SGCZ: variants seen among roughly 807,000 people sequenced by gnomAD.
The protein encoded by SGCZ is zeta-sarcoglycan.
In SGCZ, 40 loss-of-function variants were observed where a neutral mutation model predicts 41.3. The observed-to-expected ratio is 0.97, with a 90% CI of 0.75 to 1.26. The LOEUF (loss-of-function observed/expected upper bound fraction) is 1.26. SGCZ is among the 50% of genes most tolerant of loss of function. The pLI is 0.00. For missense variants in SGCZ, 552 were observed against 369.8 expected, an observed-to-expected ratio of 1.49 and a Z score of -4.04; for synonymous variants, 206 against 137.5, an observed-to-expected ratio of 1.50 and a Z score of -3.49.
chr8:14,261,412 G>A (rs963738386), intron 3 of SGCZ, among the ~76,000 whole-genome samples: 2 of 152,078 alleles, frequency 1.3e-5, no homozygotes, highest in African/African-American at 4.8e-5. Context: ...TGTTGTTAAA[G>A]AATTACCGTA....
intron 2 of SGCZ, among the ~76,000 whole-genome samples, chr8:14,529,971 T>C (rs1803076197): frequency 6.6e-6 from 1 of 152,158 alleles, no homozygotes; most frequent in Non-Finnish European, 1.5e-5. Flanking sequence ...ACATTAAGAA[T>C]GCACAAGTGC....
intron 3 of SGCZ, among the ~76,000 whole-genome samples, chr8:14,312,641 G>A (rs1801586062): frequency 6.6e-6 from 1 of 151,868 alleles, no homozygotes; most frequent in Admixed American, 6.6e-5. Context: ...ACAGAAAGAA[G>A]AAGAAGAGGA....
chr8:14,972,891 T>A (rs554325567), intron 1 of SGCZ, among the ~76,000 whole-genome samples: 1 of 152,336 alleles, frequency 6.6e-6, no homozygotes, highest in Non-Finnish European at 1.5e-5. Context: ...GAAATTTGGC[T>A]AAAAAATCTT....
chr8:15,148,552 T>C (rs906463122), intron 1 of SGCZ, among the ~76,000 whole-genome samples: 7 of 152,222 alleles, frequency 4.6e-5, no homozygotes, highest in African/African-American at 7.2e-5. Flanking sequence ...CTCCCCATTG[T>C]CCTAAATATC....
At chr8:14,687,052 C>G (rs1808633017) in intron 1 of SGCZ, among the ~76,000 whole-genome samples, 1 of 151,106 alleles carries the variant, frequency 6.6e-6, no homozygotes, top group South Asian at 2.1e-4. Flanking sequence ...TACTTTGGGC[C>G]CAAAATGGTA....
At chr8:14,707,579 G>A (rs545606165) in intron 1 of SGCZ, among the ~76,000 whole-genome samples, 1 of 151,930 alleles carries the variant, frequency 6.6e-6, no homozygotes, top group African/African-American at 2.4e-5. Flanking sequence ...ACTTTTTTTG[G>A]TGATTTGGTT....
At chr8:15,069,520 C>T (rs1471444924) in intron 1 of SGCZ, among the ~76,000 whole-genome samples, 1 of 152,148 alleles carries the variant, frequency 6.6e-6, no homozygotes, top group Non-Finnish European at 1.5e-5. Flanking sequence ...CACGTTAACA[C>T]CACCCAGCAG....
chr8:14,540,291 T>G (rs772112373), intron 2 of SGCZ, among the ~76,000 whole-genome samples: 4 of 145,986 alleles, frequency 2.7e-5, no homozygotes, highest in African/African-American at 9.8e-5. Context: ...TTATTATCAA[T>G]CTCTGTCTTG....
intron 3 of SGCZ, among the ~76,000 whole-genome samples, chr8:14,320,468 ATAT>A (rs1027359624): frequency 7.3e-5 from 11 of 150,884 alleles, no homozygotes; most frequent in Non-Finnish European, 1.5e-5. Flanking sequence ...TATTATTATT[ATAT>A]TATTATACTT....
chr8:15,158,641 T>C (rs774292810), intron 1 of SGCZ, among the ~76,000 whole-genome samples: 20 of 152,348 alleles, frequency 1.3e-4, no homozygotes, highest in Non-Finnish European at 2.8e-4. Context: ...TCATTTAGAA[T>C]GTATAATTCA....
intron 3 of SGCZ, among the ~76,000 whole-genome samples, chr8:14,241,521 A>G (rs1798890347): frequency 6.9e-6 from 1 of 145,274 alleles, no homozygotes; most frequent in Non-Finnish European, 1.5e-5. Flanking sequence ...AATATATAGC[A>G]TGATATACTA....
intron 1 of SGCZ, among the ~76,000 whole-genome samples, chr8:15,082,723 G>A (rs879277144): frequency 2.6e-5 from 4 of 152,034 alleles, no homozygotes; most frequent in Admixed American, 6.6e-5. Flanking sequence ...GTTACTTTGA[G>A]GTTGTTTTCC....
Position 14,647,272 on chromosome 8 carries a change from A to G in SGCZ, c.40-92346T>C, listed in dbSNP as rs541798543. 2.3e-3 allele frequency among the ~76,000 whole-genome samples: 350 copies of G among 152,174 alleles called. 1 individual carries two copies. The highest frequency in any genetic ancestry group is 5.4e-3 in the Admixed American group (83 of 15,234). ...ATTTACCTTCTGTTATAGGATATGCATAACTATTCACTAGCATTAACCATG... is the reference window on the plus strand; with the variant it reads ...ATTTACCTTCTGTTATAGGATATGCGTAACTATTCACTAGCATTAACCATG... On this transcript the variant is annotated intron_variant, in intron 1 of 7. Coordinates refer to ENST00000382080, the MANE Select transcript of SGCZ (RefSeq NM_139167.4).
At chr8:14,739,889 CA>C (rs2085734693) in intron 1 of SGCZ, among the ~76,000 whole-genome samples, 1 of 152,012 alleles carries the variant, frequency 6.6e-6, no homozygotes, top group Non-Finnish European at 1.5e-5. Flanking sequence ...TTCACTACAG[CA>C]AAACCTTTCC....
chr8:14,373,242 G>A (rs367850923), intron 2 of SGCZ, among the ~76,000 whole-genome samples: 8 of 152,260 alleles, frequency 5.3e-5, no homozygotes, highest in East Asian at 3.9e-4. Flanking sequence ...GCAAAAGACC[G>A]TTGGCATTCA....
chr8:14,976,880 G>A (rs981134252), intron 1 of SGCZ, among the ~76,000 whole-genome samples: 3 of 152,198 alleles, frequency 2.0e-5, no homozygotes, highest in Non-Finnish European at 1.5e-5. Flanking sequence ...CATATGTAGT[G>A]GCTTAAGTTC....
intron 3 of SGCZ, among the ~76,000 whole-genome samples, chr8:14,282,071 T>C (rs1800463470): frequency 6.6e-6 from 1 of 152,144 alleles, no homozygotes; most frequent in Non-Finnish European, 1.5e-5. Flanking sequence ...TTAGTCTTTC[T>C]ATATTCTTCA....
intron 4 of SGCZ, among the ~76,000 whole-genome samples, chr8:14,235,972 C>T (rs369443402): frequency 1.3e-5 from 2 of 152,120 alleles, no homozygotes; most frequent in Admixed American, 6.5e-5. Context: ...CATGAGCTCC[C>T]GTGCCTGACC....
At chr8:14,339,389 A>G (rs1802620493) in intron 2 of SGCZ, among the ~76,000 whole-genome samples, 1 of 152,240 alleles carries the variant, frequency 6.6e-6, no homozygotes, top group Non-Finnish European at 1.5e-5. Flanking sequence ...TAAATACAGA[A>G]ACATTGACAA....
Sources: gnomAD v4.1 joint callset for allele counts (sites outside exome capture counted in the v4.1 genomes callset) on GRCh38, gnomAD v4.1.1 for gene constraint, MANE v1.5 for transcripts, NCBI Gene and HGNC (gene_info 2026-07-23, HGNC 2026-07-21) for gene names.